Variants in ARHGAP31 observed in about 807,000 individuals in gnomAD.
ARHGAP31 encodes Rho GTPase activating protein 31.
A neutral mutation model predicts 113.9 loss-of-function variants in ARHGAP31; 34 were observed. The observed-to-expected ratio is 0.30, with a 90% CI of 0.23 to 0.40. ARHGAP31 has a LOEUF of 0.40. Among genes scored for constraint, ARHGAP31 ranks in the 10% least tolerant of loss-of-function variants. ARHGAP31 has a pLI of 1.00. For synonymous variants in ARHGAP31, 650 were observed against 684.8 expected (o/e 0.95, Z 0.79); for missense variants, 1,548 against 1,767.1 (o/e 0.88, Z 2.22).
At chr3:119,356,630 CAA>C (rs537179477) in intron 1 of ARHGAP31, among the ~76,000 whole-genome samples, 1 of 114,548 alleles carries the variant, frequency 8.7e-6, no homozygotes. Flanking sequence ...GACTCTGTCT[CAA>C]AAAAAAAAAG....
chr3:119,367,733 C>G (rs2107623916), intron 2 of ARHGAP31, among the ~76,000 whole-genome samples: 1 of 152,066 alleles, frequency 6.6e-6, no homozygotes, highest in South Asian at 2.1e-4. Context: ...TGGCGGGCGC[C>G]TGTAGTCCCA....
intron 3 of ARHGAP31, among the ~76,000 whole-genome samples, chr3:119,369,390 G>A (rs916862405): frequency 3.3e-5 from 5 of 152,228 alleles, no homozygotes; most frequent in African/African-American, 1.2e-4. Flanking sequence ...GAGTAACAGT[G>A]TAAAAGTAGA....
intron 1 of ARHGAP31, among the ~76,000 whole-genome samples, chr3:119,337,199 T>C (rs963406671): frequency 2.6e-5 from 4 of 152,204 alleles, no homozygotes; most frequent in Admixed American, 2.0e-4. Flanking sequence ...AGACGGTTTA[T>C]CTGGAGTTTG....
At chr3:119,372,725 A>G (rs1017746873) in intron 3 of ARHGAP31, among the ~76,000 whole-genome samples, 17 of 152,260 alleles carry the variant, frequency 1.1e-4, no homozygotes, top group African/African-American at 3.9e-4. Flanking sequence ...TAAACTCATT[A>G]TAAATATTAT....
At chr3:119,337,169 G>A (rs1416513853) in intron 1 of ARHGAP31, among the ~76,000 whole-genome samples, 2 of 152,206 alleles carry the variant, frequency 1.3e-5, no homozygotes, top group South Asian at 2.1e-4. Flanking sequence ...GACCCTGGCA[G>A]TGAGTGTTAC....
Position 119,409,669 on chromosome 3 carries a change from A to G in ARHGAP31, c.1819A>G (p.Asn607Asp). The change falls in exon 11 of 12, where the codon AAT becomes GAT. Residue 607 changes from asparagine (N) to aspartate (D), a missense_variant. By Grantham distance (23) the Asn-to-Asp change is conservative. Transcript: ENST00000264245. ...TTTAAATGAATTAGAGAAGAGGCCA[A>G]ATCCGGAGAAGGTGGTGGAGGAGGG... Reference protein sequence around the residue: ...QHLNELEKRPNPEKVVEEGRE... With the variant: ...QHLNELEKRPDPEKVVEEGRE... The G allele has an allele frequency of 6.2e-7, 1 of 1,611,962 alleles. No homozygotes were observed. The highest frequency in any genetic ancestry group is 1.1e-5 in the South Asian group (1 of 90,676).
At chr3:119,413,671 C>A (rs1010874310) in intron 11 of ARHGAP31, among the ~76,000 whole-genome samples, 185 bp from the exon 12 acceptor site, 2 of 152,180 alleles carry the variant, frequency 1.3e-5, no homozygotes, top group Non-Finnish European at 2.9e-5. Flanking sequence ...ACACAAGATA[C>A]AGCTAAAGTA....
At chr3:119,356,324 TAAC>T (rs545359837) in intron 1 of ARHGAP31, among the ~76,000 whole-genome samples, 11 of 151,870 alleles carry the variant, frequency 7.2e-5, no homozygotes, top group Non-Finnish European at 1.3e-4. Context: ...CATTCTCTCT[TAAC>T]AACAACAACA....
chr3:119,330,558 T>C (rs1295562701), intron 1 of ARHGAP31, among the ~76,000 whole-genome samples: 2 of 152,222 alleles, frequency 1.3e-5, no homozygotes, highest in Non-Finnish European at 2.9e-5. Flanking sequence ...TAGTAAACTC[T>C]AGTTTTGGAA....
intron 1 of ARHGAP31, among the ~76,000 whole-genome samples, chr3:119,307,575 A>G (rs1257878122): frequency 6.6e-6 from 1 of 152,150 alleles, no homozygotes; most frequent in Non-Finnish European, 1.5e-5. Flanking sequence ...TTAAGATTCT[A>G]ATCTGTTGAT....
At chr3:119,402,720 A>G (rs916827029) in intron 10 of ARHGAP31, among the ~76,000 whole-genome samples, 18 of 152,218 alleles carry the variant, frequency 1.2e-4, no homozygotes, top group African/African-American at 4.1e-4. Context: ...TATAATAAAT[A>G]TTACCTATTA....
At chr3:119,391,067 G>A in intron 7 of ARHGAP31, 84 bp downstream of exon 7, 1 of 1,471,316 alleles carries the variant, frequency 6.8e-7, no homozygotes, top group Non-Finnish European at 9.4e-7. Flanking sequence ...TCAGGACCAA[G>A]ATGGCAGTGT....
Position 119,401,805 on chromosome 3 carries a change from T to G in ARHGAP31, c.1070-17T>G, listed in dbSNP as rs750448241. 6.2e-7 allele frequency: 1 copy of G among 1,613,442 alleles called. No individual in the cohort carries two copies. ...TGTGCCCCGGCTGCTGACCATACAC[T>G]TGTTCCTTTTTACTAGGAAAAGAAA... On this transcript the variant is annotated splice_polypyrimidine_tract_variant and intron_variant, in intron 9 of 11. Coordinates refer to ENST00000264245, the MANE Select transcript of ARHGAP31 (RefSeq NM_020754.4).
intron 1 of ARHGAP31, among the ~76,000 whole-genome samples, chr3:119,354,678 ATTTTTTT>A (rs762067141): frequency 7.9e-5 from 10 of 127,232 alleles, no homozygotes; most frequent in East Asian, 6.6e-4. Flanking sequence ...TGCCGGGCTA[ATTTTTTT>A]TTTTTTTTTT....
At chr3:119,393,345 A>T in intron 7 of ARHGAP31, 122 bp from the exon 8 acceptor site, 3 of 1,316,830 alleles carry the variant, frequency 2.3e-6, no homozygotes, top group Non-Finnish European at 3.3e-6. Flanking sequence ...TTAGAGGGGA[A>T]TTTCTTGAAA....
chr3:119,360,188 A>C (rs1205066110), intron 1 of ARHGAP31, among the ~76,000 whole-genome samples: 13 of 152,180 alleles, frequency 8.5e-5, no homozygotes, highest in Non-Finnish European at 1.5e-4. Flanking sequence ...TCTATCACCC[A>C]GCCGAGTGTC....
At chr3:119,356,746 C>A (rs2080162074) in intron 1 of ARHGAP31, among the ~76,000 whole-genome samples, 1 of 152,120 alleles carries the variant, frequency 6.6e-6, no homozygotes, top group Non-Finnish European at 1.5e-5. Context: ...TTTTCTCATT[C>A]TTTTTAGTGA....
chr3:119,366,288 T>A (rs1425196228), intron 2 of ARHGAP31, among the ~76,000 whole-genome samples: 3 of 152,098 alleles, frequency 2.0e-5, no homozygotes, highest in East Asian at 1.9e-4. Context: ...ACAAAAAAAA[T>A]TCTTATTACA....
At chr3:119,333,789 G>T (rs935592004) in intron 1 of ARHGAP31, among the ~76,000 whole-genome samples, 5 of 152,186 alleles carry the variant, frequency 3.3e-5, no homozygotes, top group South Asian at 2.1e-4. Flanking sequence ...CTGCCTCTTG[G>T]TTCTTCGGGC....
Sources: allele counts gnomAD v4.1 joint callset (sites outside exome capture counted in the v4.1 genomes callset), GRCh38; gene constraint gnomAD v4.1.1; transcripts MANE v1.5; gene names NCBI Gene and HGNC (gene_info 2026-07-23, HGNC 2026-07-21).